SLC28A3: variants seen among roughly 807,000 people sequenced by gnomAD.
SLC28A3 encodes solute carrier family 28 member 3.
SLC28A3 carries 68 observed loss-of-function variants against 84.2 expected under a neutral mutation model. The ratio of observed to expected loss-of-function variants is 0.81; its 90% CI spans 0.66 to 0.99. The LOEUF (loss-of-function observed/expected upper bound fraction) is 0.99. Among genes scored for constraint, SLC28A3 ranks in the 50% least tolerant of loss-of-function variants. SLC28A3 has a pLI of 0.00. For missense variants in SLC28A3, 712 were observed against 841.5 expected, an observed-to-expected ratio of 0.85 and a Z score of 1.90; for synonymous variants, 267 against 303.6, an observed-to-expected ratio of 0.88 and a Z score of 1.25.
intron 2 of SLC28A3, among the ~76,000 whole-genome samples, chr9:84,311,409 A>G (rs2118407466): frequency 6.6e-6 from 1 of 151,314 alleles, no homozygotes; most frequent in Non-Finnish European, 1.5e-5. Context: ...TACATTTGTT[A>G]CAACTGAGGA....
intron 1 of SLC28A3, among the ~76,000 whole-genome samples, chr9:84,330,575 A>G (rs930109813): frequency 6.6e-6 from 1 of 152,254 alleles, no homozygotes; most frequent in Non-Finnish European, 1.5e-5. Flanking sequence ...AAAACTGAAC[A>G]TTAGATCCAT....
upstream of SLC28A3, among the ~76,000 whole-genome samples, chr9:84,341,172 T>C (rs1234584503): frequency 6.6e-6 from 1 of 152,078 alleles, no homozygotes; most frequent in Non-Finnish European, 1.5e-5. Context: ...GGTTTCACCA[T>C]GTTGGCCAGG....
chr9:84,321,866 A>G (rs562315577), intron 1 of SLC28A3, among the ~76,000 whole-genome samples: 1 of 152,178 alleles, frequency 6.6e-6, no homozygotes, highest in East Asian at 1.9e-4. Context: ...CCTGGCCAAC[A>G]TGGTGAAACC....
intron 1 of SLC28A3, among the ~76,000 whole-genome samples, chr9:84,334,460 T>G (rs1184691136): frequency 6.6e-6 from 1 of 152,140 alleles, no homozygotes; most frequent in African/African-American, 2.4e-5. Context: ...GGGTCAGTAG[T>G]CACCCCTGGT....
intron 1 of SLC28A3, among the ~76,000 whole-genome samples, chr9:84,320,514 T>C (rs11140522): frequency 0.11 from 16,112 of 152,250 alleles, 898 homozygotes; most frequent in Admixed American, 0.13. Flanking sequence ...TTCCTCCTTC[T>C]ACTTAAACTG....
chr9:84,336,838 T>C (rs1173146552), intron 1 of SLC28A3, among the ~76,000 whole-genome samples: 1 of 152,228 alleles, frequency 6.6e-6, no homozygotes, highest in African/African-American at 2.4e-5. Flanking sequence ...TTTAGGGTTC[T>C]GAGTCTGTAC....
intron 1 of SLC28A3, among the ~76,000 whole-genome samples, chr9:84,338,547 CTT>C (rs755141093): frequency 2.0e-5 from 3 of 152,084 alleles, no homozygotes; most frequent in Admixed American, 6.5e-5. Flanking sequence ...ATTTTTCCTT[CTT>C]TTTATTGGGG....
intron 14 of SLC28A3, 45 bp downstream of exon 14, chr9:84,285,300 G>A: frequency 6.4e-7 from 1 of 1,566,972 alleles, no homozygotes. Context: ...ACGAATGCAG[G>A]TATGTGATGA....
chr9:84,282,644 A>T (rs1349766024), intron 14 of SLC28A3, among the ~76,000 whole-genome samples: 1 of 152,216 alleles, frequency 6.6e-6, no homozygotes, highest in Non-Finnish European at 1.5e-5. Flanking sequence ...CTTAGGCCAG[A>T]CAATTTTTCC....
At chr9:84,340,463 A>C in intron 1 of SLC28A3, 111 bp downstream of exon 1, 1 of 1,168,792 alleles carries the variant, frequency 8.6e-7, no homozygotes, top group Non-Finnish European at 1.3e-6. Context: ...GCCGTTAAAA[A>C]TCGTATTGTC....
At chr9:84,307,845 T>C (rs150776148) in intron 3 of SLC28A3, among the ~76,000 whole-genome samples, 295 of 152,322 alleles carry the variant, frequency 1.9e-3, no homozygotes, top group Non-Finnish European at 2.8e-3. Flanking sequence ...GTAGACACTT[T>C]GGTCATTTGG....
In SLC28A3 at chr9:84,285,505, A is replaced by C; in HGVS notation, c.1487T>G (p.Met496Arg). The change falls in exon 14 of 18, where the codon ATG (methionine) becomes AGG (arginine). Residue 496 changes from methionine (M) to arginine (R), a missense_variant. By Grantham distance (91) the Met-to-Arg change is moderately conservative (BLOSUM62 -1). Coordinates refer to ENST00000376238, the MANE Select transcript of SLC28A3 (RefSeq NM_001199633.2). The part of the protein sequence containing the change: ...CSYIFMPFSF[M>R]MGVEWQDSFM... The stretch of plus-strand genomic sequence containing the variant: ...GCTGTCCTGCCATTCCACTCCCATC[A>C]TGAAGGAAAAGGGCATGAAGATGTA... 1 of 1,614,188 alleles carries C rather than the reference A, an allele frequency of 6.2e-7. No individual in the cohort carries two copies. Among genetic ancestry groups the C allele is most frequent in the Non-Finnish European group, 8.5e-7 (1 of 1,180,022 alleles).
intron 3 of SLC28A3, among the ~76,000 whole-genome samples, chr9:84,306,671 C>A (rs1024980946): frequency 1.3e-5 from 2 of 151,920 alleles, no homozygotes; most frequent in African/African-American, 2.4e-5. Context: ...GGGCCAGAGA[C>A]CCTGGAGAAC....
intron 1 of SLC28A3, among the ~76,000 whole-genome samples, chr9:84,339,884 G>A (rs12346493): frequency 0.037 from 5,703 of 152,252 alleles, 358 homozygotes; most frequent in African/African-American, 0.13. Context: ...CTAGCAGACC[G>A]TAAAGTCCAA....
intron 1 of SLC28A3, among the ~76,000 whole-genome samples, chr9:84,335,642 T>A (rs1826946819): frequency 6.6e-6 from 1 of 152,144 alleles, no homozygotes; most frequent in African/African-American, 2.4e-5. Flanking sequence ...CTTAAGCTGC[T>A]CAGCATCAAA....
At chr9:84,314,348 CT>C (rs764791376) in intron 1 of SLC28A3, among the ~76,000 whole-genome samples, 2 of 152,068 alleles carry the variant, frequency 1.3e-5, no homozygotes, top group African/African-American at 4.8e-5. Flanking sequence ...TCTCTTTTAT[CT>C]TTTTTGAGGT....
chr9:84,354,004 T>C, the SLC28A3 span, among the ~76,000 whole-genome samples: 1 of 152,240 alleles, frequency 6.6e-6, no homozygotes, highest in Non-Finnish European at 1.5e-5. Flanking sequence ...TAGCTGTACA[T>C]ACTGAGATAT....
intron 1 of SLC28A3, among the ~76,000 whole-genome samples, chr9:84,317,608 G>A (rs962053488): frequency 2.6e-5 from 4 of 152,046 alleles, no homozygotes; most frequent in African/African-American, 9.7e-5. Context: ...TGCTGCAGAG[G>A]TACCACCACT....
At chr9:84,299,905 G>C (rs973188647) in intron 5 of SLC28A3, among the ~76,000 whole-genome samples, 180 bp from the exon 6 acceptor site, 1 of 151,840 alleles carries the variant, frequency 6.6e-6, no homozygotes, top group African/African-American at 2.4e-5. Context: ...CAATTCTCCT[G>C]CCTCAGCCTC....
Sources: allele counts gnomAD v4.1 joint callset (sites outside exome capture counted in the v4.1 genomes callset), GRCh38; gene constraint gnomAD v4.1.1; transcripts MANE v1.5; gene names NCBI Gene and HGNC (gene_info 2026-07-23, HGNC 2026-07-21).